Variants in SRPRB observed in about 807,000 individuals in gnomAD.
SRPRB encodes the protein SRP receptor subunit beta.
SRPRB carries 20 observed loss-of-function variants against 31.9 expected under a neutral mutation model. That is an observed-to-expected ratio of 0.63 (90% confidence interval 0.44 to 0.91). The LOEUF (loss-of-function observed/expected upper bound fraction) is 0.91, where lower values mean the gene tolerates loss of function less well. Ranked by LOEUF, SRPRB falls within the 40% of genes least tolerant of loss-of-function variation. The pLI, the probability that SRPRB is intolerant of heterozygous loss-of-function variation, is 0.00. For missense variants in SRPRB, 321 were observed against 324.9 expected (o/e 0.99, Z 0.09); for synonymous variants, 146 against 132.8 (o/e 1.10, Z -0.68).
chr3:133,795,337 T>G (rs1934938765), intron 1 of SRPRB: 1 of 152,210 alleles, frequency 6.6e-6, no homozygotes, highest in African/African-American at 2.4e-5. Flanking sequence ...GTGTGCTGTA[T>G]TCTCTCAACG....
At chr3:133,807,891 T>C in intron 3 of SRPRB, 68 bp downstream of exon 3, 1 of 1,193,020 alleles carries the variant, frequency 8.4e-7, no homozygotes, top group Non-Finnish European at 1.2e-6. Context: ...TTAAGGACAT[T>C]TTTAGGATGA....
At chr3:133,793,617 A>G (rs1183314303) in intron 1 of SRPRB, 2 of 152,202 alleles carry the variant, frequency 1.3e-5, no homozygotes, top group Non-Finnish European at 2.9e-5. Context: ...AATCATAATT[A>G]TGATTATTAT....
chr3:133,822,353 G>A (rs1272651455), downstream of SRPRB, among the ~76,000 whole-genome samples: 1 of 152,170 alleles, frequency 6.6e-6, no homozygotes, highest in Non-Finnish European at 1.5e-5. Context: ...TGAGCCCCAG[G>A]CACTCTGTTG....
At position 133,811,588 on chromosome 3, in the gene SRPRB, G is replaced by GTT. The variant is rs56096910; in HGVS notation, c.410+400_410+401dup. On this transcript the variant is annotated intron_variant, in intron 4 of 6. Coordinates refer to ENST00000678299, the MANE Select transcript of SRPRB (RefSeq NM_001379313.1). ...TCATTTATATATATAGTGTTTTTTT[G>GTT]TTTTTTTTTTTTGAGATGGAGTCTC... Among the ~76,000 whole-genome samples the GTT allele has an allele frequency of 1.9e-3, 268 of 143,620 alleles. 2 individuals are homozygous for GTT. The highest frequency in any genetic ancestry group is 4.5e-3 in the African/African-American group (176 of 39,098). 94.2% of individuals were successfully genotyped at this position (143,620 alleles called of 152,430 possible). A position where few individuals can be genotyped will look rare whatever the true frequency, so the allele number is the denominator to read the frequency against.
At chr3:133,818,596 A>G (rs1935407313) in intron 6 of SRPRB, among the ~76,000 whole-genome samples, 1 of 152,156 alleles carries the variant, frequency 6.6e-6, no homozygotes, top group South Asian at 2.1e-4. Flanking sequence ...TTTTCCTTAA[A>G]AAATTTTTAT....
chr3:133,798,090 C>T (rs2107961743), intron 1 of SRPRB, among the ~76,000 whole-genome samples: 1 of 152,214 alleles, frequency 6.6e-6, no homozygotes, highest in South Asian at 2.1e-4. Context: ...TTATGAATGT[C>T]CTGAGGAGAC....
chr3:133,822,618 T>G (rs567140197), downstream of SRPRB, among the ~76,000 whole-genome samples: 1 of 152,278 alleles, frequency 6.6e-6, no homozygotes, highest in South Asian at 2.1e-4. Flanking sequence ...CTGTCAGTGT[T>G]CCCCTGTGGT....
rs1559890142 is a variant in SRPRB, at chr3:133,806,645, A to C, written c.191A>C (p.Gln64Pro). Reference protein sequence around the residue: ...WKLIRSRRSSQRAVLLVGLCD... With the variant: ...WKLIRSRRSSPRAVLLVGLCD... The stretch of plus-strand genomic sequence containing the variant: ...TTAATCCGGAGCAGAAGGAGCAGTC[A>C]GAGAGCTGTTCTTCTTGTTGGCCTT... The change falls in exon 2 of 7, where the codon CAG becomes CCG. Residue 64 changes from glutamine (Q) to proline (P), a missense_variant. Gln to Pro is a moderately conservative substitution (Grantham distance 76, BLOSUM62 -1). Coordinates refer to ENST00000678299, the MANE Select transcript of SRPRB (RefSeq NM_001379313.1). 16 of 1,614,206 alleles carry C rather than the reference A, an allele frequency of 9.9e-6. No individual in the cohort carries two copies. Among genetic ancestry groups the C allele is most frequent in the Non-Finnish European group, 1.3e-5 (15 of 1,180,018 alleles).
intron 6 of SRPRB, among the ~76,000 whole-genome samples, chr3:133,819,311 G>A (rs981358172): frequency 6.6e-6 from 1 of 152,096 alleles, no homozygotes; most frequent in Non-Finnish European, 1.5e-5. Flanking sequence ...GGTGTGACCT[G>A]GTCTACTGCT....
chr3:133,805,446 C>CA (rs1576380790), upstream of SRPRB, among the ~76,000 whole-genome samples: 1 of 152,200 alleles, frequency 6.6e-6, no homozygotes, highest in East Asian at 1.9e-4. Context: ...CATCCCTTGT[C>CA]ACATTAAATT....
intron 1 of SRPRB, chr3:133,784,805 G>C (rs72974387): frequency 0.027 from 4,143 of 152,388 alleles, 196 homozygotes; most frequent in African/African-American, 0.093. Context: ...TGGGGCAGAA[G>C]ACCTGAGAAG....
chr3:133,793,073 G>A (rs972863456), intron 1 of SRPRB: 1 of 152,056 alleles, frequency 6.6e-6, no homozygotes, highest in African/African-American at 2.4e-5. Context: ...TAATGCAAGG[G>A]TGAAATTTGG....
chr3:133,794,784 C>A (rs1934926032), intron 1 of SRPRB: 2 of 152,194 alleles, frequency 1.3e-5, no homozygotes, highest in African/African-American at 4.8e-5. Flanking sequence ...CAGCTTTTCC[C>A]AAGATCATGA....
At chr3:133,797,391 C>A (rs188065477) in intron 1 of SRPRB, among the ~76,000 whole-genome samples, 44 of 152,186 alleles carry the variant, frequency 2.9e-4, no homozygotes, top group African/African-American at 1.0e-3. Flanking sequence ...AAGACACATC[C>A]AAATTATAGC....
At chr3:133,792,858 GT>G (rs2107955504) in intron 1 of SRPRB, 1 of 152,120 alleles carries the variant, frequency 6.6e-6, no homozygotes, top group East Asian at 1.9e-4. Flanking sequence ...ATTTAAAGGG[GT>G]ATTTTCTGGT....
chr3:133,800,414 T>C (rs1935044478), intron 1 of SRPRB, among the ~76,000 whole-genome samples: 1 of 152,238 alleles, frequency 6.6e-6, no homozygotes, highest in Non-Finnish European at 1.5e-5. Context: ...AGCTCTGAAG[T>C]GGAGCTCTTT....
chr3:133,825,420 C>G (rs555610676), downstream of SRPRB: 1 of 152,306 alleles, frequency 6.6e-6, no homozygotes, highest in Admixed American at 6.5e-5. Flanking sequence ...GGCCATTGCT[C>G]CCCTCAGACC....
chr3:133,815,822 T>G (rs914349681), intron 5 of SRPRB, 96 bp downstream of exon 5: 2 of 1,398,862 alleles, frequency 1.4e-6, no homozygotes, highest in South Asian at 1.3e-5. Flanking sequence ...TTATTGAGGA[T>G]GAGATACAAT....
downstream of SRPRB, among the ~76,000 whole-genome samples, chr3:133,822,064 G>A (rs1233767566): frequency 1.3e-5 from 2 of 152,106 alleles, no homozygotes; most frequent in Admixed American, 6.6e-5. Flanking sequence ...CACTCAGGTG[G>A]TGCCCTTTTG....
Sources: gnomAD v4.1 joint callset for allele counts (sites outside exome capture counted in the v4.1 genomes callset) on GRCh38, gnomAD v4.1.1 for gene constraint, MANE v1.5 for transcripts, NCBI Gene and HGNC (gene_info 2026-07-23, HGNC 2026-07-21) for gene names.